The following RCOR1 variants were observed in gnomAD, a reference collection of about 807,000 sequenced individuals.
RCOR1 encodes REST corepressor 1.
A neutral mutation model predicts 64.0 loss-of-function variants in RCOR1; 12 were observed. The observed-to-expected ratio is 0.19, with a 90% confidence interval of 0.12 to 0.30. The LOEUF (loss-of-function observed/expected upper bound fraction) is 0.30. Among genes scored for constraint, RCOR1 ranks in the 10% least tolerant of loss-of-function variants. The pLI, the probability that RCOR1 is intolerant of heterozygous loss-of-function variation, is 1.00. For synonymous variants in RCOR1, 279 were observed against 227.2 expected, an observed-to-expected ratio of 1.23 and a Z score of -2.05; for missense variants, 502 against 621.2, an observed-to-expected ratio of 0.81 and a Z score of 2.04.
At position 102,692,771 on chromosome 14, in the gene RCOR1, T is replaced by TC. The variant is rs1378380909; in HGVS notation, c.446-8507_446-8506insC. Among the ~76,000 whole-genome samples, 655 of 145,758 alleles carry TC rather than the reference T, an allele frequency of 4.5e-3. 7 individuals are homozygous for TC. The highest frequency in any genetic ancestry group is 0.024 in the Middle Eastern group (7 of 290). The stretch of plus-strand genomic sequence containing the variant: ...TTCCTTCCTTCTTTTTCTTTTTCTT[T>TC]TTTTTTTTTTTTTTGAGACAGTCTT... On this transcript the variant is annotated intron_variant, in intron 3 of 11. Coordinates refer to ENST00000262241, the MANE Select transcript of RCOR1 (RefSeq NM_015156.4).
intron 2 of RCOR1, chr14:102,659,258 G>A (rs1894784515): frequency 1.0e-6 from 1 of 985,142 alleles, no homozygotes; most frequent in Non-Finnish European, 1.2e-6. Flanking sequence ...GTTGATGCAG[G>A]GTTGCATTGG....
intron 2 of RCOR1, chr14:102,657,352 T>C (rs1443988236): frequency 1.0e-6 from 1 of 985,362 alleles, no homozygotes; most frequent in East Asian, 1.1e-4. Flanking sequence ...TAAACCCATG[T>C]TTTAATCCTA....
chr14:102,690,111 A>G (rs139652547), intron 3 of RCOR1, among the ~76,000 whole-genome samples: 2 of 152,174 alleles, frequency 1.3e-5, no homozygotes, highest in African/African-American at 4.8e-5. Flanking sequence ...GTGGAGGTAG[A>G]TAATTTAAAG....
intron 2 of RCOR1, among the ~76,000 whole-genome samples, chr14:102,676,021 A>G (rs1159230215): frequency 1.4e-5 from 2 of 143,102 alleles, no homozygotes; most frequent in Non-Finnish European, 3.0e-5. Context: ...AAACATCTGA[A>G]TATTTCACAG....
At position 102,689,470 on chromosome 14, in the gene RCOR1, A is replaced by C. The variant is rs141449597; in HGVS notation, c.445+7492A>C. Among the ~76,000 whole-genome samples the C allele has an allele frequency of 2.2e-3, 342 of 152,300 alleles. 1 individual carries two copies. Among genetic ancestry groups the C allele is most frequent in the African/African-American group, 7.7e-3 (319 of 41,556 alleles). The stretch of plus-strand genomic sequence containing the variant: ...AATGATGTTGATAGTTCCCAGAAGG[A>C]GCAAATTTCTCAGATGGGCTGCTGT... On this transcript the variant is annotated intron_variant, in intron 3 of 11. Coordinates refer to ENST00000262241, the MANE Select transcript of RCOR1 (RefSeq NM_015156.4).
intron 2 of RCOR1, among the ~76,000 whole-genome samples, chr14:102,625,036 A>T (rs1199874693): frequency 1.4e-5 from 2 of 139,742 alleles, no homozygotes; most frequent in African/African-American, 3.2e-5. Flanking sequence ...CTGGCTAATT[A>T]AAAAAGAAAA....
intron 11 of RCOR1, 141 bp downstream of exon 11, chr14:102,722,557 G>A (rs970364386): frequency 3.7e-5 from 24 of 651,550 alleles, no homozygotes; most frequent in Middle Eastern, 2.5e-4. Context: ...GTAAATAGCC[G>A]GAATGTGTAT....
Position 102,711,757 on chromosome 14 carries a change from A to C in RCOR1, c.858+744A>C, listed in dbSNP as rs373196173. ...AGGGTCTAAATTTATCTAAACTTTA[A>C]AATGACATCAGTAATATATGTTTCT... is the stretch of plus-strand genomic sequence containing the variant. On this transcript the variant is annotated intron_variant, in intron 7 of 11. Coordinates refer to ENST00000262241, the MANE Select transcript of RCOR1 (RefSeq NM_015156.4). Among the ~76,000 whole-genome samples, 7 of 152,344 alleles carry C rather than the reference A, an allele frequency of 4.6e-5. No individual in the cohort carries two copies. The East Asian group carries it at 1.2e-3, about 25-fold the overall frequency.
chr14:102,699,785 TA>T (rs1194742792), intron 3 of RCOR1, among the ~76,000 whole-genome samples: 7 of 152,174 alleles, frequency 4.6e-5, no homozygotes, highest in Admixed American at 6.5e-5. Flanking sequence ...GTGTTGTTGT[TA>T]TTTTTTTAAT....
chr14:102,663,644 G>A (rs1342333091), intron 2 of RCOR1, among the ~76,000 whole-genome samples: 1 of 152,102 alleles, frequency 6.6e-6, no homozygotes, highest in African/African-American at 2.4e-5. Flanking sequence ...GGATTGCTTG[G>A]TGGTGAAATA....
intron 2 of RCOR1, among the ~76,000 whole-genome samples, chr14:102,666,177 A>G (rs1894913552): frequency 6.6e-6 from 1 of 152,196 alleles, no homozygotes; most frequent in African/African-American, 2.4e-5. Flanking sequence ...GTCATGGCAA[A>G]GCAAAAAGGC....
intron 2 of RCOR1, among the ~76,000 whole-genome samples, chr14:102,677,956 C>G (rs1216832556): frequency 2.0e-4 from 31 of 151,524 alleles, no homozygotes; most frequent in African/African-American, 6.3e-4. Flanking sequence ...CCCGGCACCT[C>G]GGGAGGCCGA....
chr14:102,633,035 C>T (rs1894161675), intron 2 of RCOR1, among the ~76,000 whole-genome samples: 1 of 151,586 alleles, frequency 6.6e-6, no homozygotes, highest in African/African-American at 2.4e-5. Context: ...TCTTAGACTC[C>T]TGGACACAAG....
chr14:102,623,471 C>T (rs28519971), intron 2 of RCOR1, among the ~76,000 whole-genome samples: 83,773 of 150,920 alleles, frequency 0.56, 25,335 homozygotes, highest in South Asian at 0.7. Context: ...TGCAATGGCG[C>T]GATCTTGGCT....
At position 102,593,021 on chromosome 14, in the gene RCOR1, CGCCTCGGGCGCCGCCGCCTCCTCA is replaced by C. The variant is rs1317429403; in HGVS notation, c.143_166del (p.Gly48_Ser55del). On this transcript the variant is annotated inframe_deletion, in exon 1 of 12. Coordinates refer to ENST00000262241, the MANE Select transcript of RCOR1 (RefSeq NM_015156.4). Reference sequence around the variant, plus strand: ...CCTGCGCCTCGCCAGCCGCCACTGCCGCCTCGGGCGCCGCCGCCTCCTCAGCCTCGGCCGCCGCCGCCTCAGCCG... The same window carrying C: ...CCTGCGCCTCGCCAGCCGCCACTGCCGCCTCGGCCGCCGCCGCCTCAGCCG... 4 of 1,243,090 alleles carry C rather than the reference CGCCTCGGGCGCCGCCGCCTCCTCA, an allele frequency of 3.2e-6. No homozygotes were observed. The highest frequency in any genetic ancestry group is 3.2e-5 in the African/African-American group (2 of 62,538). 77.0% of individuals were successfully genotyped at this position (1,243,090 alleles called of 1,614,324 possible).
intron 2 of RCOR1, chr14:102,651,027 A>C: frequency 1.0e-6 from 1 of 968,934 alleles, no homozygotes; most frequent in African/African-American, 1.8e-5. Flanking sequence ...TTAAAACACT[A>C]ACTCCTAATT....
chr14:102,660,403 G>T (rs185036033), intron 2 of RCOR1, among the ~76,000 whole-genome samples: 1,539 of 143,766 alleles, frequency 0.011, 16 homozygotes, highest in Admixed American at 0.016. Flanking sequence ...CCCCTTTTTT[G>T]AGATGGGGTC....
chr14:102,701,566 C>G (rs780420413), intron 4 of RCOR1, among the ~76,000 whole-genome samples: 19 of 152,182 alleles, frequency 1.2e-4, no homozygotes, highest in Non-Finnish European at 2.1e-4. Flanking sequence ...CTTTAGGACA[C>G]TGATTACTTA....
chr14:102,642,676 A>C (rs1380854187), intron 2 of RCOR1, among the ~76,000 whole-genome samples: 3 of 152,086 alleles, frequency 2.0e-5, no homozygotes. Context: ...TCTCTATAAA[A>C]ATTATAAAAA....
Sources: allele counts gnomAD v4.1 joint callset (sites outside exome capture counted in the v4.1 genomes callset), GRCh38; gene constraint gnomAD v4.1.1; transcripts MANE v1.5; gene names NCBI Gene and HGNC (gene_info 2026-07-23, HGNC 2026-07-21).